Variants in ROBO2 observed in about 807,000 individuals in gnomAD.
ROBO2 encodes roundabout guidance receptor 2.
Under a neutral mutation model 160.8 loss-of-function variants are expected in ROBO2, and 53 were observed. That is an observed-to-expected ratio of 0.33 (90% CI 0.26 to 0.41). ROBO2 has a LOEUF of 0.41. Ranked by LOEUF, ROBO2 falls within the 10% of genes least tolerant of loss-of-function variation. ROBO2 has a pLI of 1.00. For synonymous variants in ROBO2, 664 were observed against 611.7 expected, an observed-to-expected ratio of 1.09 and a Z score of -1.26; for missense variants, 1,577 against 1,722.4, an observed-to-expected ratio of 0.92 and a Z score of 1.49.
At chr3:77,057,031 T>A (rs55650172) in intron 1 of ROBO2, among the ~76,000 whole-genome samples, 27 of 152,050 alleles carry the variant, frequency 1.8e-4, no homozygotes, top group Non-Finnish European at 2.5e-4. Context: ...ATTGCGGCAT[T>A]ATTCACAATA....
chr3:77,233,520 T>C (rs2087511033), intron 2 of ROBO2, among the ~76,000 whole-genome samples: 1 of 152,224 alleles, frequency 6.6e-6, no homozygotes, highest in Non-Finnish European at 1.5e-5. Context: ...GTAAAATCAC[T>C]GTATTATCCA....
At position 77,622,213 on chromosome 3, in the gene ROBO2, C is replaced by G. The variant is rs2094916658; in HGVS notation, c.3555-14C>G. The G allele has an allele frequency of 6.2e-7, 1 of 1,608,244 alleles. No homozygotes were observed. Among genetic ancestry groups the G allele is most frequent in the Admixed American group, 1.7e-5 (1 of 59,164 alleles). ...TAAGTTGCTTTTCTTTTTTAAATTT[C>G]ATTTGAATTCTAGGCACATTCAAAG... On this transcript the variant is annotated splice_polypyrimidine_tract_variant and intron_variant, in intron 22 of 25. Transcript: ENST00000461745.
intron 2 of ROBO2, among the ~76,000 whole-genome samples, chr3:76,426,202 G>A (rs1577107653): frequency 6.6e-6 from 1 of 152,146 alleles, no homozygotes; most frequent in East Asian, 1.9e-4. Context: ...TGTAGCTCTG[G>A]CAAATGTTAT....
intron 2 of ROBO2, among the ~76,000 whole-genome samples, chr3:76,064,283 G>A (rs1331368445): frequency 2.0e-5 from 3 of 152,178 alleles, no homozygotes; most frequent in African/African-American, 7.2e-5. Flanking sequence ...GCAGCAGGGG[G>A]AAACTGACAC....
intron 16 of ROBO2, among the ~76,000 whole-genome samples, chr3:77,580,857 C>A (rs957771485): frequency 6.6e-6 from 1 of 152,118 alleles, no homozygotes; most frequent in South Asian, 2.1e-4. Context: ...TGGAGAAATA[C>A]CTAGGGTCTA....
At chr3:76,284,132 A>G (rs1397348430) in intron 2 of ROBO2, among the ~76,000 whole-genome samples, 2 of 151,978 alleles carry the variant, frequency 1.3e-5, no homozygotes, top group African/African-American at 2.4e-5. Context: ...ATATAGATGT[A>G]TAGGTCTCTT....
intron 2 of ROBO2, among the ~76,000 whole-genome samples, chr3:77,386,919 AT>A (rs2074179965): frequency 6.6e-6 from 1 of 151,964 alleles, no homozygotes; most frequent in African/African-American, 2.4e-5. Flanking sequence ...TTTTTTATAA[AT>A]TAGTTCTGCT....
intron 2 of ROBO2, among the ~76,000 whole-genome samples, chr3:77,118,197 G>T (rs2074390973): frequency 6.6e-6 from 1 of 152,156 alleles, no homozygotes; most frequent in Non-Finnish European, 1.5e-5. Flanking sequence ...GTTGACTATG[G>T]CATTTAATTA....
At chr3:77,220,930 T>TA (rs528989840) in intron 2 of ROBO2, among the ~76,000 whole-genome samples, 7 of 152,146 alleles carry the variant, frequency 4.6e-5, no homozygotes, top group East Asian at 3.8e-4. Flanking sequence ...TTTTCTATTA[T>TA]AAAAAAATAG....
At chr3:77,456,056 G>T (rs1179372216) in intron 2 of ROBO2, among the ~76,000 whole-genome samples, 1 of 152,158 alleles carries the variant, frequency 6.6e-6, no homozygotes, top group Non-Finnish European at 1.5e-5. Flanking sequence ...AGTATTGTCA[G>T]TGCTCATATG....
chr3:77,621,186 G>T (rs1559745415), intron 22 of ROBO2, among the ~76,000 whole-genome samples: 1 of 152,138 alleles, frequency 6.6e-6, no homozygotes, highest in African/African-American at 2.4e-5. Context: ...AGCACTTTGG[G>T]TTGCTGAGGC....
chr3:76,352,218 C>T (rs1009316350), intron 2 of ROBO2, among the ~76,000 whole-genome samples: 2 of 151,860 alleles, frequency 1.3e-5, no homozygotes. Flanking sequence ...TATAGCCTGG[C>T]CAGTGTCTGC....
intron 8 of ROBO2, among the ~76,000 whole-genome samples, chr3:77,551,866 G>A (rs1424519857): frequency 6.6e-6 from 1 of 151,948 alleles, no homozygotes; most frequent in Non-Finnish European, 1.5e-5. Context: ...AGATTAAAAG[G>A]TCATTTAAAA....
intron 2 of ROBO2, among the ~76,000 whole-genome samples, chr3:76,633,758 C>T (rs1375441129): frequency 6.6e-6 from 1 of 152,198 alleles, no homozygotes; most frequent in Non-Finnish European, 1.5e-5. Flanking sequence ...ATTATCCCCA[C>T]TTTATAGATG....
chr3:76,218,394 G>C (rs148447958), intron 2 of ROBO2, among the ~76,000 whole-genome samples: 209 of 152,290 alleles, frequency 1.4e-3, no homozygotes, highest in African/African-American at 4.8e-3. Context: ...CAGATGAAGT[G>C]ATTGTATATC....
intron 2 of ROBO2, among the ~76,000 whole-genome samples, chr3:76,740,649 C>T (rs1344773825): frequency 6.6e-6 from 1 of 151,952 alleles, no homozygotes; most frequent in Non-Finnish European, 1.5e-5. Context: ...TTATATCTTG[C>T]CTATATTTCT....
chr3:76,655,152 T>C (rs928431725), intron 2 of ROBO2, among the ~76,000 whole-genome samples: 1 of 150,092 alleles, frequency 6.7e-6, no homozygotes, highest in African/African-American at 2.4e-5. Flanking sequence ...ATTTCTCCTA[T>C]TAATATTCGC....
intron 2 of ROBO2, among the ~76,000 whole-genome samples, chr3:76,753,166 GA>G (rs1337437861): frequency 9.9e-5 from 15 of 151,820 alleles, no homozygotes; most frequent in African/African-American, 3.6e-4. Context: ...AGCCATTTGG[GA>G]AGACATGTCA....
chr3:77,533,204 C>G (rs2091873645), intron 6 of ROBO2, among the ~76,000 whole-genome samples: 1 of 152,074 alleles, frequency 6.6e-6, no homozygotes, highest in African/African-American at 2.4e-5. Flanking sequence ...CCTGGTGATA[C>G]AGAATCACCC....
Sources: gnomAD v4.1 joint callset for allele counts (sites outside exome capture counted in the v4.1 genomes callset) on GRCh38, gnomAD v4.1.1 for gene constraint, MANE v1.5 for transcripts, NCBI Gene and HGNC (gene_info 2026-07-23, HGNC 2026-07-21) for gene names.